Variants in GLIS3 observed in about 807,000 individuals in gnomAD.
The protein encoded by GLIS3 is zinc finger protein GLIS3.
Under a neutral mutation model 78.6 loss-of-function variants are expected in GLIS3, and 53 were observed. That is an observed-to-expected ratio of 0.67 (90% CI 0.54 to 0.85). The LOEUF (loss-of-function observed/expected upper bound fraction) is 0.85, where lower values mean the gene tolerates loss of function less well. Ranked by LOEUF, GLIS3 falls within the 40% of genes least tolerant of loss-of-function variation. The pLI is 0.00. For synonymous variants in GLIS3, 684 were observed against 509.9 expected (o/e 1.34, Z -4.60); for missense variants, 1,703 against 1,231.1 (o/e 1.38, Z -5.74).
intron 2 of GLIS3, among the ~76,000 whole-genome samples, chr9:4,312,687 CCT>C (rs927826798): frequency 1.3e-4 from 20 of 152,174 alleles, no homozygotes; most frequent in African/African-American, 4.8e-4. Context: ...CTATCCTTTC[CCT>C]CTCTGTTTTA....
At chr9:4,222,448 C>G (rs1255224526) in intron 2 of GLIS3, among the ~76,000 whole-genome samples, 1 of 152,188 alleles carries the variant, frequency 6.6e-6, no homozygotes, top group Non-Finnish European at 1.5e-5. Context: ...TAGAATCGGC[C>G]TACCCTATCC....
chr9:4,444,015 G>A, the GLIS3 span, among the ~76,000 whole-genome samples: 4 of 152,114 alleles, frequency 2.6e-5, no homozygotes, highest in African/African-American at 4.8e-5. Flanking sequence ...GTAATGTGTT[G>A]ATGATTCATC....
chr9:4,446,664 C>A, the GLIS3 span, among the ~76,000 whole-genome samples: 1 of 147,030 alleles, frequency 6.8e-6, no homozygotes. Flanking sequence ...CACACACCAC[C>A]ATGCCCGGCT....
chr9:4,474,325 G>A, the GLIS3 span, among the ~76,000 whole-genome samples: 33 of 152,268 alleles, frequency 2.2e-4, no homozygotes, highest in East Asian at 5.0e-3. Context: ...GGGCAATATG[G>A]TGAAACCCCA....
At chr9:4,396,247 G>A in the GLIS3 span, among the ~76,000 whole-genome samples, 1 of 152,050 alleles carries the variant, frequency 6.6e-6, no homozygotes, top group Admixed American at 6.6e-5. Context: ...CAAGTAGCTG[G>A]GATTACAGGC....
At chr9:4,157,767 T>G (rs1835145413) in intron 2 of GLIS3, among the ~76,000 whole-genome samples, 2 of 152,166 alleles carry the variant, frequency 1.3e-5, no homozygotes, top group South Asian at 4.2e-4. Flanking sequence ...ATCCAAGATG[T>G]CAGTGTAACC....
At chr9:4,015,682 G>A (rs1406121556) in intron 4 of GLIS3, among the ~76,000 whole-genome samples, 1 of 152,068 alleles carries the variant, frequency 6.6e-6, no homozygotes, top group Non-Finnish European at 1.5e-5. Flanking sequence ...GAGGTCAGGA[G>A]TCTGAGACCA....
At chr9:4,411,912 C>G in the GLIS3 span, among the ~76,000 whole-genome samples, 1 of 152,194 alleles carries the variant, frequency 6.6e-6, no homozygotes, top group Non-Finnish European at 1.5e-5. Context: ...AACATTTTGG[C>G]TCATGTATGG....
chr9:3,865,784 G>C (rs1277668441), intron 8 of GLIS3, among the ~76,000 whole-genome samples: 1 of 152,172 alleles, frequency 6.6e-6, no homozygotes, highest in Non-Finnish European at 1.5e-5. Context: ...GGCTTTTGGA[G>C]GCCAAATGAC....
intron 4 of GLIS3, among the ~76,000 whole-genome samples, chr9:4,009,669 G>A (rs554068014): frequency 6.6e-6 from 1 of 152,306 alleles, no homozygotes; most frequent in East Asian, 1.9e-4. Context: ...AGAGCAAAGA[G>A]GAGAAACAAG....
chr9:4,141,830 A>G (rs980844698), intron 2 of GLIS3, among the ~76,000 whole-genome samples: 2 of 152,230 alleles, frequency 1.3e-5, no homozygotes, highest in Non-Finnish European at 2.9e-5. Flanking sequence ...AACATCACAA[A>G]TCTCAACACA....
the GLIS3 span, among the ~76,000 whole-genome samples, chr9:4,486,830 C>G: frequency 1.3e-5 from 2 of 152,126 alleles, no homozygotes; most frequent in Non-Finnish European, 2.9e-5. Flanking sequence ...GTGAGGACTA[C>G]AGGCATGTGC....
At chr9:3,915,425 T>C (rs765462432) in intron 6 of GLIS3, among the ~76,000 whole-genome samples, 6 of 152,056 alleles carry the variant, frequency 3.9e-5, no homozygotes, top group Non-Finnish European at 8.8e-5. Flanking sequence ...ATTGCATTAG[T>C]CTTGGTGGTT....
intron 2 of GLIS3, among the ~76,000 whole-genome samples, chr9:4,199,708 T>C (rs1819191412): frequency 6.6e-6 from 1 of 152,036 alleles, no homozygotes; most frequent in African/African-American, 2.4e-5. Context: ...ATAATAATAG[T>C]GGGGGACTTC....
At chr9:3,983,492 G>T (rs969975861) in intron 4 of GLIS3, among the ~76,000 whole-genome samples, 2 of 152,150 alleles carry the variant, frequency 1.3e-5, no homozygotes, top group African/African-American at 2.4e-5. Context: ...ACAGTTTGGA[G>T]GGCTCAGAAG....
chr9:4,165,237 T>G (rs1201545399), intron 2 of GLIS3, among the ~76,000 whole-genome samples: 1 of 152,150 alleles, frequency 6.6e-6, no homozygotes, highest in Non-Finnish European at 1.5e-5. Flanking sequence ...GGTCAGGAGT[T>G]CGAGACCAGC....
chr9:3,935,241 C>T (rs1048794641), intron 5 of GLIS3, among the ~76,000 whole-genome samples: 36 of 152,022 alleles, frequency 2.4e-4, no homozygotes, highest in Middle Eastern at 3.4e-3. Context: ...TTTAAAAGAG[C>T]TTACTAATTT....
intron 4 of GLIS3, among the ~76,000 whole-genome samples, chr9:3,962,091 A>C (rs903702805): frequency 2.0e-5 from 3 of 152,090 alleles, no homozygotes; most frequent in Admixed American, 2.0e-4. Flanking sequence ...GTGGTGGTGC[A>C]CACCTGTAGT....
chr9:3,873,372 G>A (rs1821087295), intron 8 of GLIS3, among the ~76,000 whole-genome samples: 1 of 151,986 alleles, frequency 6.6e-6, no homozygotes, highest in African/African-American at 2.4e-5. Flanking sequence ...AAACCCAACA[G>A]GACAAGTGCG....
Sources: gnomAD v4.1 joint callset for allele counts (sites outside exome capture counted in the v4.1 genomes callset) on GRCh38, gnomAD v4.1.1 for gene constraint, MANE v1.5 for transcripts, NCBI Gene and HGNC (gene_info 2026-07-23, HGNC 2026-07-21) for gene names.